NDUFAF6: variants seen among roughly 807,000 people sequenced by gnomAD.
NDUFAF6 encodes the protein NADH:ubiquinone oxidoreductase complex assembly factor 6.
Under a neutral mutation model 40.8 loss-of-function variants are expected in NDUFAF6, and 45 were observed. The ratio of observed to expected loss-of-function variants is 1.10; its 90% CI spans 0.87 to 1.42. The LOEUF (loss-of-function observed/expected upper bound fraction) is 1.42, where lower values mean the gene tolerates loss of function less well. NDUFAF6 is among the 40% of genes most tolerant of loss of function. The pLI, the probability that NDUFAF6 is intolerant of heterozygous loss-of-function variation, is 0.00. For synonymous variants in NDUFAF6, 185 were observed against 155.9 expected, an observed-to-expected ratio of 1.19 and a Z score of -1.39; for missense variants, 435 against 418.5, an observed-to-expected ratio of 1.04 and a Z score of -0.34.
chr8:94,930,578 G>C lies in NDUFAF6; in HGVS notation c.-935-14905G>C, dbSNP rs138400077. The C allele has an allele frequency of 1.2e-4, 200 of 1,614,104 alleles. No individual in the cohort carries two copies. Among genetic ancestry groups the C allele is most frequent in the Non-Finnish European group, 1.6e-4 (185 of 1,180,042 alleles). ...CCCTGGTAAGATTTTGGCGACGAAG[G>C]CTATTTCTGTTAAGAGGCTGTCTTT... On this transcript the variant is annotated intron_variant, in intron 1 of 14. Transcript: ENST00000396113.
At chr8:95,014,001 A>G (rs767536789) in intron 2 of NDUFAF6, among the ~76,000 whole-genome samples, 29 of 152,216 alleles carry the variant, frequency 1.9e-4, no homozygotes, top group Non-Finnish European at 4.0e-4. Context: ...CAATGCTTCT[A>G]TGAGCCAAGG....
At chr8:95,063,566 C>T (rs1832623460), downstream of NDUFAF6, among the ~76,000 whole-genome samples, 3 of 152,184 alleles carry the variant, frequency 2.0e-5, no homozygotes, top group Non-Finnish European at 4.4e-5. Flanking sequence ...CACTGCCCTC[C>T]AGCCTGGGTG....
At chr8:94,937,972 AC>A (rs1821155735) in intron 1 of NDUFAF6, among the ~76,000 whole-genome samples, 2 of 152,220 alleles carry the variant, frequency 1.3e-5, no homozygotes, top group African/African-American at 2.4e-5. Context: ...GCTAAAGCTA[AC>A]GTCCCTTCCA....
intron 1 of NDUFAF6, among the ~76,000 whole-genome samples, chr8:94,964,049 G>T (rs1159306854): frequency 6.6e-6 from 1 of 152,088 alleles, no homozygotes; most frequent in African/African-American, 2.4e-5. Context: ...TAGCCTGAAG[G>T]GCCCTTCAGT....
intron 3 of NDUFAF6, among the ~76,000 whole-genome samples, 158 bp downstream of exon 3, chr8:95,035,734 T>G (rs963341242): frequency 1.3e-5 from 2 of 152,228 alleles, no homozygotes; most frequent in Non-Finnish European, 2.9e-5. Flanking sequence ...GCACAGAAAT[T>G]TAAAATCACC....
intron 4 of NDUFAF6, among the ~76,000 whole-genome samples, chr8:95,044,028 C>T (rs535365081): frequency 6.6e-6 from 1 of 152,224 alleles, no homozygotes; most frequent in South Asian, 2.1e-4. Flanking sequence ...TGTTGTATAT[C>T]CATACAATGG....
chr8:95,019,909 T>C (rs115611183), intron 2 of NDUFAF6, among the ~76,000 whole-genome samples: 1,688 of 152,214 alleles, frequency 0.011, 34 homozygotes, highest in African/African-American at 0.039. Context: ...AAAAAAATGG[T>C]AATTGAGGGC....
chr8:94,917,920 A>T (rs563486563), intron 1 of NDUFAF6, among the ~76,000 whole-genome samples: 170 of 152,324 alleles, frequency 1.1e-3, no homozygotes, highest in African/African-American at 4.0e-3. Flanking sequence ...TATTAGTGGA[A>T]GCCTCTTTAT....
intron 9 of NDUFAF6, among the ~76,000 whole-genome samples, chr8:95,070,886 C>G (rs866916277): frequency 3.9e-5 from 6 of 151,938 alleles, no homozygotes; most frequent in Non-Finnish European, 8.8e-5. Flanking sequence ...TTTCCTATTC[C>G]CCTCCCCTCC....
chr8:94,910,523 C>G (rs1358002946), intron 1 of NDUFAF6, among the ~76,000 whole-genome samples: 1 of 152,192 alleles, frequency 6.6e-6, no homozygotes, highest in African/African-American at 2.4e-5. Context: ...TTCTCTGATA[C>G]CTCCTCGTGT....
chr8:94,989,927 A>G (rs1206881582), intron 2 of NDUFAF6, among the ~76,000 whole-genome samples: 5 of 152,104 alleles, frequency 3.3e-5, no homozygotes, highest in Admixed American at 3.3e-4. Context: ...ATGGGCTCTC[A>G]CTGTGTTGCC....
chr8:95,049,964 T>C (rs1018593158), intron 7 of NDUFAF6, among the ~76,000 whole-genome samples: 1 of 152,244 alleles, frequency 6.6e-6, no homozygotes, highest in Non-Finnish European at 1.5e-5. Context: ...GATTGTAAGC[T>C]CTTTGAGGGC....
chr8:95,110,500 C>G (rs1414753231), intron 4 of NDUFAF6, among the ~76,000 whole-genome samples: 2 of 152,172 alleles, frequency 1.3e-5, no homozygotes, highest in Non-Finnish European at 2.9e-5. Context: ...AGGCACTATT[C>G]TAAGTGCTTT....
chr8:95,104,552 C>T (rs1186965096), downstream of NDUFAF6, among the ~76,000 whole-genome samples: 2 of 152,182 alleles, frequency 1.3e-5, no homozygotes, highest in Non-Finnish European at 2.9e-5. Flanking sequence ...CTGTCTTTCT[C>T]AGCCTCGTCT....
chr8:95,027,078 ATTAG>A (rs1828244769), intron 1 of NDUFAF6, among the ~76,000 whole-genome samples: 1 of 152,134 alleles, frequency 6.6e-6, no homozygotes, highest in Admixed American at 6.5e-5. Context: ...TAAGTACATT[ATTAG>A]TTATTTTTTA....
At chr8:95,012,823 CA>C (rs33917264) in intron 2 of NDUFAF6, among the ~76,000 whole-genome samples, 22,521 of 150,794 alleles carry the variant, frequency 0.15, 1,731 homozygotes, top group Middle Eastern at 0.25. Context: ...GACTCTGTCT[CA>C]AAAAAAACAG....
chr8:95,011,254 T>C (rs1462880730), intron 2 of NDUFAF6, among the ~76,000 whole-genome samples: 2 of 152,168 alleles, frequency 1.3e-5, no homozygotes, highest in African/African-American at 2.4e-5. Flanking sequence ...TCAAAAAACT[T>C]CAAATCTTAT....
chr8:94,969,634 C>A (rs1824295451), intron 1 of NDUFAF6, among the ~76,000 whole-genome samples: 2 of 152,090 alleles, frequency 1.3e-5, no homozygotes, highest in African/African-American at 4.8e-5. Flanking sequence ...GAGCAAAACC[C>A]TGTCTCTAAA....
At chr8:94,961,181 C>A (rs1021055169) in intron 1 of NDUFAF6, among the ~76,000 whole-genome samples, 14 of 152,226 alleles carry the variant, frequency 9.2e-5, no homozygotes, top group African/African-American at 3.4e-4. Context: ...TCCACTGACA[C>A]GTAAAATTCA....
Sources: gnomAD v4.1 joint callset for allele counts (sites outside exome capture counted in the v4.1 genomes callset) on GRCh38, gnomAD v4.1.1 for gene constraint, MANE v1.5 for transcripts, NCBI Gene and HGNC (gene_info 2026-07-23, HGNC 2026-07-21) for gene names.